Variants in DACH2 observed in about 807,000 individuals in gnomAD.
The protein encoded by DACH2 is dachshund homolog 2.
Under a neutral mutation model 35.8 loss-of-function variants are expected in DACH2, and 17 were observed. That is an observed-to-expected ratio of 0.48 (90% CI 0.33 to 0.71). The LOEUF (loss-of-function observed/expected upper bound fraction) is 0.71, where lower values mean the gene tolerates loss of function less well. Ranked by LOEUF, DACH2 falls within the 30% of genes least tolerant of loss-of-function variation. The probability of loss-of-function intolerance (pLI) is 0.02; values close to 1 mark genes in which losing one functional copy is unlikely to be tolerated. For synonymous variants in DACH2, 195 were observed against 177.3 expected, an observed-to-expected ratio of 1.10 and a Z score of -0.79; for missense variants, 469 against 472.7, an observed-to-expected ratio of 0.99 and a Z score of 0.07.
intron 2 of DACH2, among the ~76,000 whole-genome samples, chrX:86,442,301 G>A (rs1156973970): frequency 9.5e-6 from 1 of 105,186 alleles, no homozygotes; most frequent in Admixed American, 1.0e-4. Context: ...CCATTCTTGT[G>A]TCTTCTTTTG....
chrX:86,748,401 A>C (rs576703775), intron 7 of DACH2, among the ~76,000 whole-genome samples: 20 of 112,315 alleles, frequency 1.8e-4, no homozygotes, highest in African/African-American at 6.1e-4. Flanking sequence ...AAAGTCAAAC[A>C]ATTACTCCGT....
At chrX:86,646,789 A>G (rs1249865010) in intron 3 of DACH2, among the ~76,000 whole-genome samples, 1 of 110,179 alleles carries the variant, frequency 9.1e-6, no homozygotes, top group Admixed American at 9.7e-5. Context: ...TATGCAATAT[A>G]TGGATGTATG....
chrX:86,399,804 G>T (rs959144478), intron 2 of DACH2, among the ~76,000 whole-genome samples: 4 of 111,525 alleles, frequency 3.6e-5, no homozygotes, highest in African/African-American at 1.3e-4. Context: ...CTCTCTGGCT[G>T]CCCTTAACAT....
At chrX:86,512,503 G>A (rs765376165) in intron 2 of DACH2, among the ~76,000 whole-genome samples, 2 of 111,531 alleles carry the variant, frequency 1.8e-5, no homozygotes, top group Admixed American at 9.6e-5. Context: ...GGCTCATCAC[G>A]TGGAAGTAGA....
Position 86,331,857 on chromosome X carries a change from A to T in DACH2, c.489-44967A>T, listed in dbSNP as rs773666583. Among the ~76,000 whole-genome samples the T allele has an allele frequency of 4.5e-5, 5 of 111,401 alleles. No homozygotes were observed. In the South Asian group the frequency reaches 1.1e-3, roughly 25 times the overall value. ...CTTCAGCAACCTGCTCATGCTAGTG[A>T]TGATACATGTACAGAGTGAGTATAT... On this transcript the variant is annotated intron_variant, in intron 1 of 11. Coordinates refer to ENST00000373125, the MANE Select transcript of DACH2 (RefSeq NM_053281.3).
chrX:86,502,377 C>T (rs2038263868), intron 2 of DACH2, among the ~76,000 whole-genome samples: 1 of 111,740 alleles, frequency 8.9e-6, no homozygotes. Context: ...CATTGTTCAG[C>T]CTACCCCATT....
chrX:86,376,223 A>G (rs2035965831), intron 1 of DACH2, among the ~76,000 whole-genome samples: 1 of 107,562 alleles, frequency 9.3e-6, no homozygotes, highest in Non-Finnish European at 1.9e-5. Flanking sequence ...ATGTAAGATA[A>G]TTCAGTATGC....
At chrX:86,511,286 G>A (rs2038392781) in intron 2 of DACH2, among the ~76,000 whole-genome samples, 1 of 111,630 alleles carries the variant, frequency 9.0e-6, no homozygotes, top group Admixed American at 9.6e-5. Flanking sequence ...AGGTCTAATA[G>A]AATAAAGCTA....
At chrX:86,696,478 A>C (rs1236687093) in intron 5 of DACH2, among the ~76,000 whole-genome samples, 1 of 112,212 alleles carries the variant, frequency 8.9e-6, no homozygotes, top group Non-Finnish European at 1.9e-5. Flanking sequence ...AAAGAGGGTA[A>C]TTTAGAAGAC....
rs1219046100 is a variant in DACH2 at position 86,747,690 on chromosome X, C to T, written c.1240+7808C>T. ...CATAATCTTTTTACTGGTGGAGGGCCTTGCCTTGATGTTGATGGCTGCTGA... is the reference window on the plus strand; with the variant it reads ...CATAATCTTTTTACTGGTGGAGGGCTTTGCCTTGATGTTGATGGCTGCTGA... On this transcript the variant is annotated intron_variant, in intron 7 of 11. Transcript: ENST00000373125. Among the ~76,000 whole-genome samples the T allele has an allele frequency of 4.5e-5, 5 of 111,715 alleles. No homozygotes were observed. In the East Asian group the frequency reaches 1.4e-3, roughly 31 times the overall value.
chrX:86,632,494 G>GCACACA (rs3041616), intron 3 of DACH2, among the ~76,000 whole-genome samples: 7,005 of 95,863 alleles, frequency 0.073, 274 homozygotes, highest in East Asian at 0.25. Flanking sequence ...TCATACACAT[G>GCACACA]CACACACACA....
intron 3 of DACH2, among the ~76,000 whole-genome samples, chrX:86,643,490 G>C (rs2040374193): frequency 1.1e-5 from 1 of 93,637 alleles, no homozygotes; most frequent in Non-Finnish European, 2.1e-5. Context: ...ACCAAAAAAA[G>C]CCCAGGACCT....
intron 1 of DACH2, among the ~76,000 whole-genome samples, chrX:86,250,300 G>C (rs1267102993): frequency 9.0e-6 from 1 of 111,596 alleles, no homozygotes; most frequent in Non-Finnish European, 1.9e-5. Context: ...GAAGATTTGA[G>C]ATTATCAAAG....
intron 3 of DACH2, among the ~76,000 whole-genome samples, chrX:86,564,155 G>C (rs1253544448): frequency 9.0e-6 from 1 of 110,687 alleles, no homozygotes; most frequent in Non-Finnish European, 1.9e-5. Context: ...TATTGACACA[G>C]CTTTTCTATT....
At chrX:86,483,748 C>A (rs2037978563) in intron 2 of DACH2, among the ~76,000 whole-genome samples, 1 of 111,040 alleles carries the variant, frequency 9.0e-6, no homozygotes, top group Non-Finnish European at 1.9e-5. Flanking sequence ...GGAAGGATTG[C>A]TTGAGCCTGG....
chrX:86,476,900 A>C (rs958883176), intron 2 of DACH2, among the ~76,000 whole-genome samples: 4 of 111,123 alleles, frequency 3.6e-5, no homozygotes, highest in African/African-American at 6.5e-5. Context: ...TAATTTCTTC[A>C]TTGAGCCACT....
At chrX:86,357,104 C>A (rs918518455) in intron 1 of DACH2, among the ~76,000 whole-genome samples, 6 of 111,366 alleles carry the variant, frequency 5.4e-5, no homozygotes, top group African/African-American at 2.0e-4. Flanking sequence ...GCCTCCAGCT[C>A]CATCCAAGTT....
At chrX:86,412,683 C>A (rs925035097) in intron 2 of DACH2, among the ~76,000 whole-genome samples, 1 of 111,491 alleles carries the variant, frequency 9.0e-6, no homozygotes, top group Admixed American at 9.5e-5. Flanking sequence ...TAGAAGATGG[C>A]AGGGCCTTAC....
intron 3 of DACH2, among the ~76,000 whole-genome samples, chrX:86,593,445 G>C (rs1239558295): frequency 1.3e-5 from 1 of 77,715 alleles, no homozygotes; most frequent in African/African-American, 7.8e-5. Context: ...TTTATTTTTT[G>C]AGACAGTGTC....
Sources: allele counts gnomAD v4.1 joint callset (sites outside exome capture counted in the v4.1 genomes callset), GRCh38; gene constraint gnomAD v4.1.1; transcripts MANE v1.5; gene names NCBI Gene and HGNC (gene_info 2026-07-23, HGNC 2026-07-21).